The following CYP4X1 variants were observed in gnomAD, a reference collection of about 807,000 sequenced individuals.
CYP4X1 encodes the protein cytochrome P450 4X1.
Under a neutral mutation model 57.9 loss-of-function variants are expected in CYP4X1, and 44 were observed. The observed-to-expected ratio is 0.76, with a 90% CI of 0.60 to 0.98. The LOEUF (loss-of-function observed/expected upper bound fraction) is 0.98. CYP4X1 is among the 50% of genes least tolerant of loss of function. The pLI is 0.00. For missense variants in CYP4X1, 532 were observed against 623.9 expected (o/e 0.85, Z 1.57); for synonymous variants, 227 against 228.6 (o/e 0.99, Z 0.06).
chr1:46,983,539 T>C, the CYP4X1 span, among the ~76,000 whole-genome samples: 4 of 152,226 alleles, frequency 2.6e-5, no homozygotes, highest in Admixed American at 2.0e-4. Flanking sequence ...GAGCCGCCAC[T>C]GACTGAAGTG....
At chr1:47,048,992 T>C (rs918128828) in intron 10 of CYP4X1, among the ~76,000 whole-genome samples, 3 of 152,226 alleles carry the variant, frequency 2.0e-5, no homozygotes, top group Non-Finnish European at 2.9e-5. Context: ...CTTGCCATAG[T>C]ATTTTTGTTT....
At chr1:47,000,292 T>C in the CYP4X1 span, among the ~76,000 whole-genome samples, 1 of 152,180 alleles carries the variant, frequency 6.6e-6, no homozygotes, top group Non-Finnish European at 1.5e-5. Context: ...TCCCTAGTCA[T>C]GCAGAACTGT....
the CYP4X1 span, among the ~76,000 whole-genome samples, chr1:47,015,440 C>A: frequency 1.4e-4 from 21 of 152,282 alleles, no homozygotes; most frequent in East Asian, 3.5e-3. Flanking sequence ...GCAGAAGATG[C>A]CTCAGGATTC....
intron 7 of CYP4X1, 131 bp downstream of exon 7, chr1:47,038,897 A>G: frequency 1.6e-6 from 1 of 627,132 alleles, no homozygotes; most frequent in East Asian, 3.0e-5. Context: ...TGAATTGATG[A>G]GCAGCTTCAT....
At chr1:46,979,024 G>A in the CYP4X1 span, among the ~76,000 whole-genome samples, 1 of 152,132 alleles carries the variant, frequency 6.6e-6, no homozygotes, top group African/African-American at 2.4e-5. Flanking sequence ...GAGAAACCAG[G>A]AAAGATCTAA....
chr1:47,043,970 A>T (rs1644274599), intron 8 of CYP4X1, among the ~76,000 whole-genome samples: 1 of 151,750 alleles, frequency 6.6e-6, no homozygotes, highest in South Asian at 2.1e-4. Context: ...CTTCGCATTC[A>T]CTCTATGTGT....
the CYP4X1 span, among the ~76,000 whole-genome samples, chr1:46,971,272 C>T: frequency 6.6e-6 from 1 of 152,182 alleles, no homozygotes; most frequent in African/African-American, 2.4e-5. Flanking sequence ...TTTATGGCTG[C>T]ACAGTATTCC....
At position 47,048,191 on chromosome 1, in the gene CYP4X1, G is replaced by A. The variant is rs185543090; in HGVS notation, c.1208-374G>A. Among the ~76,000 whole-genome samples the A allele has an allele frequency of 3.3e-3, 498 of 152,188 alleles. 4 individuals are homozygous for A. The highest frequency in any genetic ancestry group is 6.5e-3 in the Admixed American group (99 of 15,280). ...TTGAGCTCAGAAGTTCAAGGTTACC[G>A]TGAGCAATGTTCACGCCACTGCTCT... On this transcript the variant is annotated intron_variant, in intron 9 of 11. Coordinates refer to ENST00000371901, the MANE Select transcript of CYP4X1 (RefSeq NM_178033.2).
the CYP4X1 span, among the ~76,000 whole-genome samples, chr1:47,006,077 T>A: frequency 1.3e-5 from 2 of 152,208 alleles, no homozygotes; most frequent in Non-Finnish European, 2.9e-5. Context: ...ACAGAAGTAA[T>A]CTAGATAAAC....
At chr1:46,970,878 G>T in the CYP4X1 span, among the ~76,000 whole-genome samples, 1 of 152,120 alleles carries the variant, frequency 6.6e-6, no homozygotes, top group Non-Finnish European at 1.5e-5. Flanking sequence ...ACTCAGAGAG[G>T]TGGTTTTTTA....
the CYP4X1 span, among the ~76,000 whole-genome samples, chr1:46,971,770 GT>G: frequency 6.6e-6 from 1 of 151,850 alleles, no homozygotes; most frequent in East Asian, 1.9e-4. Context: ...AATGGGGTTG[GT>G]TTTTTTGTTT....
At chr1:47,023,616 G>C, upstream of CYP4X1, 3 of 1,329,746 alleles carry the variant, frequency 2.3e-6, no homozygotes, top group South Asian at 6.7e-5. Context: ...TAACCGGCTA[G>C]AAATCCCGCA....
the CYP4X1 span, among the ~76,000 whole-genome samples, chr1:46,963,438 A>G: frequency 0.6 from 89,312 of 148,170 alleles, 28,376 homozygotes; most frequent in Non-Finnish European, 0.72. Flanking sequence ...AGCTCTTGTA[A>G]GGCAGGCCTG....
chr1:47,004,415 T>C, the CYP4X1 span, among the ~76,000 whole-genome samples: 1 of 152,142 alleles, frequency 6.6e-6, no homozygotes, highest in Non-Finnish European at 1.5e-5. Flanking sequence ...TCCTTTCTGC[T>C]TCATACAAAG....
intron 1 of CYP4X1, among the ~76,000 whole-genome samples, chr1:47,024,293 A>G (rs1433866985): frequency 3.3e-5 from 5 of 152,358 alleles, no homozygotes; most frequent in African/African-American, 1.2e-4. Flanking sequence ...TCTGTCTCTC[A>G]TTGCTTCACC....
chr1:47,022,206 C>T (rs1644004345), upstream of CYP4X1, among the ~76,000 whole-genome samples: 1 of 150,332 alleles, frequency 6.7e-6, no homozygotes, highest in South Asian at 2.1e-4. Context: ...GAAACACTTG[C>T]TGTGTGTGGC....
the CYP4X1 span, among the ~76,000 whole-genome samples, chr1:47,012,769 T>C: frequency 6.6e-6 from 1 of 152,196 alleles, no homozygotes. Context: ...TCTGGAGGAC[T>C]GAAAGATAAA....
At position 47,023,984 on chromosome 1, in the gene CYP4X1, G is replaced by T. The variant is rs1034494415; in HGVS notation, c.167G>T (p.Gly56Val). 6.8e-6 allele frequency: 11 copies of T among 1,612,482 alleles called. No homozygotes were observed. Among genetic ancestry groups the T allele is most frequent in the Non-Finnish European group, 9.3e-6 (11 of 1,179,632 alleles). ...GCGCCCCCCACCCACTGGTTCCTTG[G>T]GCACCAGAAGGTAGATGGGAGGGAG... ...FPAPPTHWFL[G>V]HQKFIQDDNM... The change falls in exon 1 of 12, where the codon GGG (glycine) becomes GTG (valine). Residue 56 changes from glycine (G) to valine (V), a missense_variant. Gly to Val is a moderately radical substitution (Grantham distance 109, BLOSUM62 -3). Coordinates refer to ENST00000371901, the MANE Select transcript of CYP4X1 (RefSeq NM_178033.2).
Position 47,036,081 on chromosome 1 carries a change from A to G in CYP4X1, c.685A>G (p.Ser229Gly). The change falls in exon 6 of 12, where the codon AGT becomes GGT. Residue 229 changes from serine (S) to glycine (G), a missense_variant. By Grantham distance (56) the Ser-to-Gly change is moderately conservative. Transcript: ENST00000371901. ...LSKIIFHRLY[S>G]LLYHSDIIFK... ...CAAAATCATATTTCACCGCTTGTACAGTTTGTTGTATCACAGTGACATAAT... is the reference window on the plus strand; with the variant it reads ...CAAAATCATATTTCACCGCTTGTACGGTTTGTTGTATCACAGTGACATAAT... 6.2e-7 allele frequency: 1 copy of G among 1,613,818 alleles called. No individual in the cohort carries two copies. The highest frequency in any genetic ancestry group is 8.5e-7 in the Non-Finnish European group (1 of 1,179,824).
Sources: gnomAD v4.1 joint callset for allele counts (sites outside exome capture counted in the v4.1 genomes callset) on GRCh38, gnomAD v4.1.1 for gene constraint, MANE v1.5 for transcripts, NCBI Gene and HGNC (gene_info 2026-07-23, HGNC 2026-07-21) for gene names.